The following TTC28 variants were observed in gnomAD, a reference collection of about 807,000 sequenced individuals.
The protein encoded by TTC28 is tetratricopeptide repeat domain 28.
A neutral mutation model predicts 198.0 loss-of-function variants in TTC28; 61 were observed. That is an observed-to-expected ratio of 0.31 (90% CI 0.25 to 0.38). The LOEUF (loss-of-function observed/expected upper bound fraction) is 0.38, where lower values mean the gene tolerates loss of function less well. Ranked by LOEUF, TTC28 falls within the 10% of genes least tolerant of loss-of-function variation. The pLI is 1.00. For missense variants in TTC28, 2,678 were observed against 3,164.0 expected (o/e 0.85, Z 3.69); for synonymous variants, 1,171 against 1,297.8 (o/e 0.90, Z 2.10).
chr22:28,497,095 C>T (rs2146357792), intron 2 of TTC28, among the ~76,000 whole-genome samples: 1 of 152,260 alleles, frequency 6.6e-6, no homozygotes, highest in East Asian at 1.9e-4. Context: ...TTCCAATATT[C>T]TTGTGTCTCC....
At chr22:28,128,582 G>A (rs1312927320) in intron 6 of TTC28, among the ~76,000 whole-genome samples, 1 of 152,008 alleles carries the variant, frequency 6.6e-6, no homozygotes, top group African/African-American at 2.4e-5. Flanking sequence ...CTGTCACCCA[G>A]GCTGGAGTAC....
chr22:28,248,626 A>C (rs2147268621), intron 5 of TTC28, among the ~76,000 whole-genome samples: 1 of 152,266 alleles, frequency 6.6e-6, no homozygotes, highest in African/African-American at 2.4e-5. Context: ...TTCATAATAC[A>C]CACCTACTGA....
At chr22:28,340,396 C>T (rs1434146473) in intron 2 of TTC28, among the ~76,000 whole-genome samples, 1 of 151,698 alleles carries the variant, frequency 6.6e-6, no homozygotes, top group East Asian at 1.9e-4. Flanking sequence ...TAATTTGAGA[C>T]CTTGTGATTA....
intron 6 of TTC28, among the ~76,000 whole-genome samples, chr22:28,160,805 C>A (rs926217663): frequency 6.6e-6 from 1 of 152,080 alleles, no homozygotes; most frequent in Non-Finnish European, 1.5e-5. Context: ...GAATTTTTTA[C>A]AAAACTAAGT....
At chr22:28,361,467 G>C (rs1346652997) in intron 2 of TTC28, among the ~76,000 whole-genome samples, 1 of 152,108 alleles carries the variant, frequency 6.6e-6, no homozygotes, top group Non-Finnish European at 1.5e-5. Context: ...TCAGTTCTAT[G>C]AAGTCTGAGA....
At chr22:28,077,421 G>T (rs1941203844) in intron 12 of TTC28, among the ~76,000 whole-genome samples, 1 of 152,192 alleles carries the variant, frequency 6.6e-6, no homozygotes, top group Admixed American at 6.5e-5. Context: ...CTCCTAAAGT[G>T]CTAGGATTAC....
At chr22:28,355,340 T>C (rs2046059630) in intron 2 of TTC28, among the ~76,000 whole-genome samples, 1 of 152,198 alleles carries the variant, frequency 6.6e-6, no homozygotes, top group Admixed American at 6.5e-5. Context: ...TATTTCGGTG[T>C]TAATCCCATC....
intron 6 of TTC28, among the ~76,000 whole-genome samples, chr22:28,145,866 C>T (rs1943457161): frequency 6.6e-6 from 1 of 152,174 alleles, no homozygotes; most frequent in African/African-American, 2.4e-5. Flanking sequence ...TTTATACATA[C>T]TAACTCATTC....
chr22:28,587,324 C>T (rs996243602), intron 2 of TTC28, among the ~76,000 whole-genome samples: 3 of 152,068 alleles, frequency 2.0e-5, no homozygotes, highest in East Asian at 1.9e-4. Context: ...GAGCGGAAAT[C>T]GTGCCACTGC....
intron 2 of TTC28, among the ~76,000 whole-genome samples, chr22:28,315,345 T>G (rs2045335601): frequency 6.6e-6 from 1 of 152,164 alleles, no homozygotes; most frequent in Non-Finnish European, 1.5e-5. Flanking sequence ...AAAGTTGGTA[T>G]TGACAATTTT....
chr22:28,250,157 A>C (rs544597151), intron 5 of TTC28, among the ~76,000 whole-genome samples: 6 of 152,326 alleles, frequency 3.9e-5, no homozygotes, highest in African/African-American at 1.4e-4. Flanking sequence ...GCAGTCTAAC[A>C]AAAAGTCACA....
At chr22:28,405,648 A>G (rs1180369831) in intron 2 of TTC28, among the ~76,000 whole-genome samples, 1 of 152,192 alleles carries the variant, frequency 6.6e-6, no homozygotes, top group Admixed American at 6.5e-5. Flanking sequence ...GGGAAGCTAA[A>G]TTTCCCATGG....
chr22:28,483,528 G>A (rs990003514), intron 2 of TTC28, among the ~76,000 whole-genome samples: 2 of 151,878 alleles, frequency 1.3e-5, no homozygotes, highest in African/African-American at 4.8e-5. Flanking sequence ...TTCCCTTTGT[G>A]ACATTTTTCT....
chr22:28,339,618 C>T (rs532786040), intron 2 of TTC28, among the ~76,000 whole-genome samples: 206 of 152,272 alleles, frequency 1.4e-3, no homozygotes, highest in African/African-American at 4.5e-3. Flanking sequence ...GCCTCGCTGC[C>T]GCCTTGCAGT....
intron 5 of TTC28, among the ~76,000 whole-genome samples, chr22:28,285,891 C>T (rs911607053): frequency 1.3e-5 from 2 of 152,046 alleles, no homozygotes; most frequent in Admixed American, 1.3e-4. Context: ...CAAAAAACTC[C>T]CTGAATTTCA....
At chr22:28,538,307 C>T (rs989612502) in intron 2 of TTC28, among the ~76,000 whole-genome samples, 6 of 151,990 alleles carry the variant, frequency 3.9e-5, no homozygotes, top group South Asian at 2.1e-4. Flanking sequence ...AGGCTGGTCT[C>T]GAACTCCTTG....
intron 5 of TTC28, among the ~76,000 whole-genome samples, chr22:28,251,593 A>T (rs149484650): frequency 6.6e-6 from 1 of 152,210 alleles, no homozygotes; most frequent in African/African-American, 2.4e-5. Flanking sequence ...ACTGAAGTGT[A>T]AAGTGATTCA....
At chr22:28,319,231 C>T (rs940666337) in intron 2 of TTC28, among the ~76,000 whole-genome samples, 1 of 152,016 alleles carries the variant, frequency 6.6e-6, no homozygotes, top group Admixed American at 6.6e-5. Context: ...CTCATGTCAC[C>T]CTGTTCAGGT....
Position 27,993,382 on chromosome 22 carries a change from G to T in TTC28, c.5381C>A (p.Pro1794His). ...AGCCGCTGGCAGGCCACTGGTTGGG[G>T]GGTCCAGCCGGAAGCCCACAGCGGT... is the stretch of plus-strand genomic sequence containing the variant. ...LLTAVGFRLD[P>H]PTSGLPAAVF... is the part of the protein sequence containing the mutation. Residue 1794 changes from proline (P) to histidine (H), a missense_variant, in exon 18 of 23, where the codon CCC becomes CAC. Pro to His is a moderately conservative substitution (Grantham distance 77). Around this residue, in one of 8 missense-constraint regions of TTC28, gnomAD observed 314 missense variants for 442.7 expected, o/e 0.71. Transcript: ENST00000397906. The T allele has an allele frequency of 6.4e-7, 1 of 1,551,166 alleles. No individual in the cohort carries two copies.
Sources: gnomAD v4.1 joint callset for allele counts (sites outside exome capture counted in the v4.1 genomes callset) on GRCh38, gnomAD v4.1.1 for gene constraint, gnomAD v4.1.1 regional missense constraint, MANE v1.5 for transcripts, NCBI Gene and HGNC (gene_info 2026-07-23, HGNC 2026-07-21) for gene names.